Variants in THSD7B observed in about 807,000 individuals in gnomAD.
The protein encoded by THSD7B is thrombospondin type-1 domain-containing protein 7B.
A neutral mutation model predicts 213.6 loss-of-function variants in THSD7B; 138 were observed. That is an observed-to-expected ratio of 0.65 (90% confidence interval 0.56 to 0.74). The LOEUF (loss-of-function observed/expected upper bound fraction) is 0.74. Among genes scored for constraint, THSD7B ranks in the 30% least tolerant of loss-of-function variants. THSD7B has a pLI of 0.00. For synonymous variants in THSD7B, 742 were observed against 687.0 expected, an observed-to-expected ratio of 1.08 and a Z score of -1.25; for missense variants, 1,931 against 1,991.5, an observed-to-expected ratio of 0.97 and a Z score of 0.58.
intron 7 of THSD7B, among the ~76,000 whole-genome samples, chr2:137,200,088 TTC>T (rs1375791717): frequency 6.6e-6 from 1 of 152,154 alleles, no homozygotes; most frequent in Non-Finnish European, 1.5e-5. Flanking sequence ...TTAATAATTT[TTC>T]TCTTACTCAA....
At chr2:137,357,514 T>A (rs905539254) in intron 12 of THSD7B, among the ~76,000 whole-genome samples, 2 of 152,184 alleles carry the variant, frequency 1.3e-5, no homozygotes, top group Non-Finnish European at 2.9e-5. Flanking sequence ...CAGCAAAATG[T>A]TGGACCCCCG....
At chr2:136,780,160 A>G (rs1197926873) in intron 1 of THSD7B, among the ~76,000 whole-genome samples, 1 of 152,120 alleles carries the variant, frequency 6.6e-6, no homozygotes, top group African/African-American at 2.4e-5. Context: ...ACTCTCTCAC[A>G]GTTCTGATGG....
intron 3 of THSD7B, among the ~76,000 whole-genome samples, chr2:137,057,792 A>G (rs1052596945): frequency 9.9e-5 from 15 of 152,200 alleles, no homozygotes; most frequent in Non-Finnish European, 2.2e-4. Flanking sequence ...TGATACAGGT[A>G]TTAACTTGCG....
rs1340022641 is a variant in THSD7B, at chr2:137,642,532, G to A, written c.3844G>A (p.Glu1282Lys). Reference sequence around the variant, plus strand: ...ATTTATCATTATGCCAACCCAAGGAGAAGGACGGCCATGCCCCACAGAGCT... The same window carrying A: ...ATTTATCATTATGCCAACCCAAGGAAAAGGACGGCCATGCCCCACAGAGCT... ...TRFIIMPTQG[E>K]GRPCPTELTQ... is the part of the protein sequence containing the mutation. The change falls in exon 21 of 28, where the codon GAA (glutamate) becomes AAA (lysine). Residue 1282 changes from glutamate to lysine, a missense_variant. Glu to Lys is a moderately conservative substitution (Grantham distance 56). Transcript: ENST00000409968. The A allele has an allele frequency of 3.7e-6, 6 of 1,613,854 alleles. No homozygotes were observed. The highest frequency in any genetic ancestry group is 5.1e-6 in the Non-Finnish European group (6 of 1,179,860).
At chr2:137,125,813 G>C (rs1293982731) in intron 5 of THSD7B, among the ~76,000 whole-genome samples, 1 of 152,150 alleles carries the variant, frequency 6.6e-6, no homozygotes, top group African/African-American at 2.4e-5. Context: ...AAACTTGAAA[G>C]TTAAAATTCC....
At chr2:136,842,515 T>C (rs551033950) in intron 1 of THSD7B, among the ~76,000 whole-genome samples, 2 of 152,320 alleles carry the variant, frequency 1.3e-5, no homozygotes, top group South Asian at 2.1e-4. Context: ...TGAGGTGATT[T>C]CAGGGAAAAC....
At chr2:137,670,693 G>A (rs191190749) in intron 27 of THSD7B, among the ~76,000 whole-genome samples, 2,223 of 152,086 alleles carry the variant, frequency 0.015, 51 homozygotes, top group African/African-American at 0.049. Context: ...AGGCCAAGGC[G>A]GGCGGATCAC....
At chr2:136,993,795 G>A (rs528770418) in intron 2 of THSD7B, among the ~76,000 whole-genome samples, 7 of 152,248 alleles carry the variant, frequency 4.6e-5, no homozygotes, top group South Asian at 4.1e-4. Flanking sequence ...GTATGAAACC[G>A]GATGACCCAT....
At chr2:137,060,759 GT>G (rs1687255298) in intron 3 of THSD7B, among the ~76,000 whole-genome samples, 1 of 151,948 alleles carries the variant, frequency 6.6e-6, no homozygotes, top group Non-Finnish European at 1.5e-5. Context: ...GAGTAATGTA[GT>G]TTTATAGTAA....
chr2:137,122,788 A>T (rs560618919), intron 5 of THSD7B, among the ~76,000 whole-genome samples: 1 of 151,812 alleles, frequency 6.6e-6, no homozygotes, highest in Non-Finnish European at 1.5e-5. Flanking sequence ...TCCCTCACAC[A>T]TTTACTCCCT....
At chr2:137,616,061 C>G in intron 17 of THSD7B, 114 bp from the exon 18 acceptor site, 1 of 1,068,320 alleles carries the variant, frequency 9.4e-7, no homozygotes, top group Non-Finnish European at 1.3e-6. Context: ...GTTTAACCCT[C>G]TAGATAATCT....
intron 2 of THSD7B, among the ~76,000 whole-genome samples, chr2:137,010,997 A>G (rs1203689306): frequency 1.3e-5 from 2 of 152,172 alleles, no homozygotes; most frequent in Admixed American, 6.5e-5. Context: ...CATGATTAAC[A>G]TTTATCATCA....
chr2:137,343,871 G>A (rs999888212), intron 12 of THSD7B, among the ~76,000 whole-genome samples: 8 of 151,844 alleles, frequency 5.3e-5, no homozygotes, highest in African/African-American at 1.9e-4. Context: ...ATGCACTGAA[G>A]CCCTTTGTGG....
chr2:136,832,466 C>T (rs1414984148), intron 1 of THSD7B, among the ~76,000 whole-genome samples: 1 of 152,054 alleles, frequency 6.6e-6, no homozygotes, highest in Non-Finnish European at 1.5e-5. Context: ...TATTCAAGAC[C>T]TAATGGTTAG....
At chr2:137,475,596 C>A (rs1290716537) in intron 15 of THSD7B, among the ~76,000 whole-genome samples, 1 of 152,112 alleles carries the variant, frequency 6.6e-6, no homozygotes, top group Admixed American at 6.5e-5. Context: ...TGTTTTTGTG[C>A]TTGGCTTATT....
At position 137,600,640 on chromosome 2, in the gene THSD7B, A is replaced by G. The variant is rs539630612; in HGVS notation, c.3424-15535A>G. On this transcript the variant is annotated intron_variant, in intron 17 of 27. Transcript: ENST00000409968. ...GTAGTCCCAGCTACTTGAGAGGCTA[A>G]GGTATGAGAATCACTTGAACCCGTG... Among the ~76,000 whole-genome samples the G allele has an allele frequency of 5.9e-5, 9 of 152,324 alleles. No individual in the cohort carries two copies. In the South Asian group the frequency reaches 1.9e-3, roughly 32 times the overall value.
In THSD7B at chr2:137,445,175, C is replaced by G. The variant is rs192759662; in HGVS notation, c.2960-5670C>G. ...CAGTTGGTAGGAATGCAAATTAGTA[C>G]AGCCACTATGAAAAACAGTATGGAG... is the stretch of plus-strand genomic sequence containing the variant. On this transcript the variant is annotated intron_variant, in intron 14 of 27. Transcript: ENST00000409968. Among the ~76,000 whole-genome samples, 4 of 152,092 alleles carry G rather than the reference C, an allele frequency of 2.6e-5. No homozygotes were observed. The East Asian group carries it at 5.8e-4, about 22-fold the overall frequency.
chr2:136,998,237 A>G (rs1171353082), intron 2 of THSD7B, among the ~76,000 whole-genome samples: 8 of 145,872 alleles, frequency 5.5e-5, no homozygotes, highest in African/African-American at 2.1e-4. Flanking sequence ...AAATATTCCT[A>G]TACATGGAAA....
intron 12 of THSD7B, among the ~76,000 whole-genome samples, chr2:137,316,894 T>C (rs928079516): frequency 6.6e-6 from 1 of 152,110 alleles, no homozygotes; most frequent in Non-Finnish European, 1.5e-5. Context: ...GTTGTTAACA[T>C]TGCATAAATG....
Sources: gnomAD v4.1 joint callset for allele counts (sites outside exome capture counted in the v4.1 genomes callset) on GRCh38, gnomAD v4.1.1 for gene constraint, MANE v1.5 for transcripts, NCBI Gene and HGNC (gene_info 2026-07-23, HGNC 2026-07-21) for gene names.